BABAM2: variants seen among roughly 807,000 people sequenced by gnomAD.
The protein encoded by BABAM2 is BRISC and BRCA1-A complex member 2.
A neutral mutation model predicts 54.7 loss-of-function variants in BABAM2; 31 were observed. The ratio of observed to expected loss-of-function variants is 0.57; its 90% CI spans 0.43 to 0.77. The LOEUF is 0.77. BABAM2 is among the 30% of genes least tolerant of loss of function. The pLI, the probability that BABAM2 is intolerant of heterozygous loss-of-function variation, is 0.00. For synonymous variants in BABAM2, 167 were observed against 162.9 expected (o/e 1.03, Z -0.19); for missense variants, 364 against 455.8 (o/e 0.80, Z 1.83).
chr2:28,258,872 G>T (rs1317334567), intron 10 of BABAM2, among the ~76,000 whole-genome samples: 1 of 151,712 alleles, frequency 6.6e-6, no homozygotes, highest in Middle Eastern at 3.2e-3. Flanking sequence ...CATCTCCCAG[G>T]TTCAAGCAGT....
intron 7 of BABAM2, among the ~76,000 whole-genome samples, chr2:28,180,055 A>G (rs1675450900): frequency 6.6e-6 from 1 of 152,206 alleles, no homozygotes; most frequent in Non-Finnish European, 1.5e-5. Flanking sequence ...AGCAATCTAC[A>G]GATTCAATGT....
At chr2:28,075,528 TTC>T (rs3056389) in intron 6 of BABAM2, among the ~76,000 whole-genome samples, 44 of 149,812 alleles carry the variant, frequency 2.9e-4, no homozygotes, top group Non-Finnish European at 3.7e-4. Context: ...CATCACGTTT[TTC>T]TCTCTCTCTC....
intron 3 of BABAM2, among the ~76,000 whole-genome samples, chr2:27,950,947 AT>A (rs1050425187): frequency 1.3e-5 from 2 of 151,942 alleles, no homozygotes; most frequent in Non-Finnish European, 2.9e-5. Flanking sequence ...TTTTTCATAA[AT>A]TTTTTTTATT....
chr2:28,177,609 AACAAAATG>A (rs1345560155), intron 7 of BABAM2, among the ~76,000 whole-genome samples: 1 of 152,116 alleles, frequency 6.6e-6, no homozygotes, highest in Non-Finnish European at 1.5e-5. Flanking sequence ...AAAACGATTG[AACAAAATG>A]ACAAGAATAA....
intron 7 of BABAM2, among the ~76,000 whole-genome samples, chr2:28,149,651 C>A (rs888510030): frequency 6.6e-6 from 1 of 152,194 alleles, no homozygotes; most frequent in African/African-American, 2.4e-5. Flanking sequence ...TATCACTCCA[C>A]ACGCCTGTAC....
At chr2:28,073,171 C>T (rs1664327868) in intron 6 of BABAM2, among the ~76,000 whole-genome samples, 1 of 152,114 alleles carries the variant, frequency 6.6e-6, no homozygotes, top group South Asian at 2.1e-4. Context: ...CTTTCTTACA[C>T]CCTTAACTAT....
intron 7 of BABAM2, among the ~76,000 whole-genome samples, chr2:28,235,197 T>C (rs1681786698): frequency 1.3e-5 from 2 of 152,338 alleles, no homozygotes; most frequent in South Asian, 4.1e-4. Context: ...TATTTTGAGA[T>C]GGAGTCTCAC....
chr2:28,223,872 C>T (rs1186475902), intron 7 of BABAM2, among the ~76,000 whole-genome samples: 1 of 152,100 alleles, frequency 6.6e-6, no homozygotes, highest in East Asian at 1.9e-4. Context: ...ATTTCTCCAC[C>T]CTGAGATTCC....
intron 7 of BABAM2, among the ~76,000 whole-genome samples, chr2:28,189,192 T>A (rs1156569605): frequency 7.0e-6 from 1 of 141,860 alleles, no homozygotes; most frequent in East Asian, 2.1e-4. Flanking sequence ...AGAGTGAGAC[T>A]CCCTCTCAAA....
At position 28,057,181 on chromosome 2, in the gene BABAM2, G is replaced by C. The variant is rs185704708; in HGVS notation, c.570+11382G>C. Among the ~76,000 whole-genome samples the C allele has an allele frequency of 4.9e-4, 74 of 152,252 alleles. 1 individual carries two copies. The East Asian group carries it at 7.5e-3, about 15-fold the overall frequency. On this transcript the variant is annotated intron_variant, in intron 6 of 11. Transcript: ENST00000379624. The stretch of plus-strand genomic sequence containing the variant: ...CTTAAACTGTGGTGCCCAAAAATAA[G>C]CACAAAACTCCAGGGAGGGTTGATC...
chr2:28,144,642 G>A (rs1671341703), intron 7 of BABAM2, among the ~76,000 whole-genome samples: 1 of 152,192 alleles, frequency 6.6e-6, no homozygotes, highest in Non-Finnish European at 1.5e-5. Flanking sequence ...GCAGTGAGAT[G>A]TCCACCGGCC....
At chr2:28,189,422 C>T (rs957703397) in intron 7 of BABAM2, among the ~76,000 whole-genome samples, 3 of 152,004 alleles carry the variant, frequency 2.0e-5, no homozygotes, top group Non-Finnish European at 4.4e-5. Flanking sequence ...GTATTATAGG[C>T]GGTAAGAGCA....
At chr2:27,896,490 G>T (rs1219024632) in intron 2 of BABAM2, 2 of 152,404 alleles carry the variant, frequency 1.3e-5, no homozygotes, top group African/African-American at 4.8e-5. Flanking sequence ...CCCCAGTCTG[G>T]CAGCCAGATG....
At chr2:28,150,545 A>C (rs767662977) in intron 7 of BABAM2, among the ~76,000 whole-genome samples, 1 of 152,252 alleles carries the variant, frequency 6.6e-6, no homozygotes, top group Non-Finnish European at 1.5e-5. Flanking sequence ...AAGTGGAACT[A>C]AGGTAAACTA....
intron 3 of BABAM2, among the ~76,000 whole-genome samples, chr2:27,986,352 G>GTT (rs35534083): frequency 1.3e-5 from 2 of 148,284 alleles, no homozygotes; most frequent in South Asian, 2.1e-4. Context: ...TAATAGCAGG[G>GTT]TTTTTTTTTT....
At chr2:28,138,802 G>A (rs1291468205) in intron 7 of BABAM2, among the ~76,000 whole-genome samples, 2 of 151,970 alleles carry the variant, frequency 1.3e-5, no homozygotes, top group African/African-American at 4.8e-5. Flanking sequence ...AGTTCATTTT[G>A]CTTGTGTGTC....
chr2:27,951,850 C>T (rs1340157947), intron 3 of BABAM2, among the ~76,000 whole-genome samples: 2 of 152,096 alleles, frequency 1.3e-5, no homozygotes, highest in Non-Finnish European at 2.9e-5. Context: ...TTATCCCTCG[C>T]CCTATTTTAG....
intron 4 of BABAM2, chr2:27,996,377 T>A (rs1407299602): frequency 1.3e-5 from 2 of 154,880 alleles, no homozygotes; most frequent in Non-Finnish European, 2.9e-5. Flanking sequence ...ATAGTGCTCT[T>A]CAGGGTTTTA....
chr2:28,240,822 A>G (rs915853604), intron 8 of BABAM2, among the ~76,000 whole-genome samples: 6 of 150,350 alleles, frequency 4.0e-5, no homozygotes, highest in Admixed American at 2.0e-4. Flanking sequence ...GTGAGCTAAG[A>G]TCGCGCCATT....
Sources: gnomAD v4.1 joint callset for allele counts (sites outside exome capture counted in the v4.1 genomes callset) on GRCh38, gnomAD v4.1.1 for gene constraint, MANE v1.5 for transcripts, NCBI Gene and HGNC (gene_info 2026-07-23, HGNC 2026-07-21) for gene names.